TPM4: variants seen among roughly 807,000 people sequenced by gnomAD.
TPM4 encodes the protein tropomyosin alpha-4 chain.
TPM4 carries 17 observed loss-of-function variants against 35.8 expected under a neutral mutation model. That is an observed-to-expected ratio of 0.47 (90% CI 0.32 to 0.71). The LOEUF is 0.71. Ranked by LOEUF, TPM4 falls within the 30% of genes least tolerant of loss-of-function variation. The probability of loss-of-function intolerance (pLI) is 0.03; values close to 1 mark genes in which losing one functional copy is unlikely to be tolerated. For missense variants in TPM4, 240 were observed against 320.9 expected, an observed-to-expected ratio of 0.75 and a Z score of 1.93; for synonymous variants, 120 against 122.9, an observed-to-expected ratio of 0.98 and a Z score of 0.15.
chr19:16,068,773 CTG>C (rs201129044), intron 2 of TPM4, among the ~76,000 whole-genome samples: 4 of 151,692 alleles, frequency 2.6e-5, no homozygotes, highest in Admixed American at 6.6e-5. Context: ...GTGAGTGTAT[CTG>C]TGTGTGTTTG....
At chr19:16,094,471 G>A (rs950118596) in intron 7 of TPM4, among the ~76,000 whole-genome samples, 3 of 151,836 alleles carry the variant, frequency 2.0e-5, no homozygotes, top group Non-Finnish European at 2.9e-5. Context: ...GGGAGGCGGA[G>A]GTTGCAGTAA....
In TPM4 at chr19:16,067,606, C is replaced by A. The variant is rs1285474252; in HGVS notation, c.-19C>A. The stretch of plus-strand genomic sequence containing the variant: ...AGAGCCCGCCGCGCACCCCACGTCC[C>A]CCACGCCAGCGCCCAGCCATGGAGG... On this transcript the variant is annotated 5_prime_UTR_variant, in exon 2 of 3. Coordinates refer to the TPM4 transcript ENST00000589897. This position sits in a 1 kb window ranked among gnomAD's most constrained non-coding sequence, Gnocchi z 4.1. 3 of 1,609,820 alleles carry A rather than the reference C, an allele frequency of 1.9e-6. No homozygotes were observed. In the Admixed American group the frequency reaches 5.0e-5, roughly 27 times the overall value.
In TPM4 at chr19:16,082,379, C is replaced by T. The variant is rs141501386; in HGVS notation, c.266+333C>T. 6.3e-3 allele frequency among the ~76,000 whole-genome samples: 957 copies of T among 152,232 alleles called. 12 individuals are homozygous for T. Among genetic ancestry groups the T allele is most frequent in the African/African-American group, 0.021 (892 of 41,536 alleles). ...CAAAAAAATTAGCCTGCCATGGTGG[C>T]GGGCACCTGTAATCCCAGCTACTCA... On this transcript the variant is annotated intron_variant, in intron 2 of 7. Coordinates refer to ENST00000643579, the MANE Select transcript of TPM4 (RefSeq NM_003290.3).
upstream of TPM4, chr19:16,076,180 T>G (rs2090402523): frequency 1.9e-6 from 3 of 1,554,568 alleles, no homozygotes; most frequent in African/African-American, 2.7e-5. Context: ...GACGTACGTG[T>G]GCAGGGATGC....
chr19:16,102,839 AC>A lies in TPM4; in HGVS notation c.*1497del, dbSNP rs768451946. 3 of 153,112 alleles carry A rather than the reference AC, an allele frequency of 2.0e-5. No homozygotes were observed. Among genetic ancestry groups the A allele is most frequent in the African/African-American group, 3.4e-5 (1 of 29,108 alleles). 9.5% of individuals were successfully genotyped at this position (153,112 alleles called of 1,614,324 possible). A position where few individuals can be genotyped will look rare whatever the true frequency, so the allele number is the denominator to read the frequency against. On this transcript the variant is annotated 3_prime_UTR_variant, in exon 8 of 8. Transcript: ENST00000643579. ...CTTATCTGAATCCCTTACCCACCCCACCCCACCACCCTACTCCTATTTATTC... is the reference window on the plus strand; with the variant it reads ...CTTATCTGAATCCCTTACCCACCCCACCCACCACCCTACTCCTATTTATTC...
chr19:16,071,623 C>T (rs1459541697), upstream of TPM4, among the ~76,000 whole-genome samples: 1 of 152,212 alleles, frequency 6.6e-6, no homozygotes, highest in Non-Finnish European at 1.5e-5. Context: ...AATTCCGAAG[C>T]AGAAGCCAGC....
At chr19:16,080,754 A>G (rs977233985) in intron 1 of TPM4, 1 of 311,474 alleles carries the variant, frequency 3.2e-6, no homozygotes, top group African/African-American at 2.1e-5. Flanking sequence ...AGTTGCAGCA[A>G]GCCGAGATCA....
intron 5 of TPM4, among the ~76,000 whole-genome samples, chr19:16,091,450 T>C (rs1030983186): frequency 6.6e-6 from 1 of 152,188 alleles, no homozygotes; most frequent in African/African-American, 2.4e-5. Context: ...CTTGGTAGGT[T>C]GTGAACGGTG....
intron 7 of TPM4, chr19:16,095,116 A>G: frequency 5.8e-6 from 2 of 346,026 alleles, no homozygotes; most frequent in Non-Finnish European, 8.4e-6. Flanking sequence ...TCTGTTTCAC[A>G]TGGAACACAG....
chr19:16,088,507 C>T (rs1436723046), intron 4 of TPM4: 17 of 1,050,962 alleles, frequency 1.6e-5, no homozygotes, highest in South Asian at 1.0e-4. Flanking sequence ...ACATTCCTGG[C>T]GGGAAGGTGA....
chr19:16,069,509 T>G (rs2090332531), intron 2 of TPM4, among the ~76,000 whole-genome samples: 2 of 16,170 alleles, frequency 1.2e-4, no homozygotes, highest in Admixed American at 4.3e-4. Flanking sequence ...GTGTGTATGA[T>G]TGTGTGTTTC....
chr19:16,069,509 TTG>T (rs2090332565), intron 2 of TPM4, among the ~76,000 whole-genome samples: 3 of 16,178 alleles, frequency 1.9e-4, no homozygotes, highest in South Asian at 1.8e-3. Flanking sequence ...GTGTGTATGA[TTG>T]TGTGTTTCTA....
chr19:16,075,087 C>CA (rs369129539), upstream of TPM4: 3,422 of 148,016 alleles, frequency 0.023, 132 homozygotes, highest in African/African-American at 0.078. Context: ...GCGAGACTCT[C>CA]AAAAAAAAAA....
intron 2 of TPM4, among the ~76,000 whole-genome samples, chr19:16,085,023 G>A (rs1341179247): frequency 6.6e-6 from 1 of 151,982 alleles, no homozygotes; most frequent in Non-Finnish European, 1.5e-5. Context: ...TTGGGAGGCG[G>A]GCGGATCGCT....
At chr19:16,091,768 T>G (rs1488721167) in intron 5 of TPM4, among the ~76,000 whole-genome samples, 1 of 151,926 alleles carries the variant, frequency 6.6e-6, no homozygotes, top group Non-Finnish European at 1.5e-5. Flanking sequence ...AGTCATGACT[T>G]GATCACTTAA....
chr19:16,076,910 G>A (rs2090415260), intron 1 of TPM4: 8 of 1,093,528 alleles, frequency 7.3e-6, no homozygotes, highest in Non-Finnish European at 9.2e-6. Flanking sequence ...ACAGGGGAGG[G>A]GGCGCCGCCT....
At position 16,088,211 on chromosome 19, in the gene TPM4, C is replaced by T. The variant is rs879438508; in HGVS notation, c.455+114C>T. On this transcript the variant is annotated intron_variant, in intron 4 of 7. Coordinates refer to ENST00000643579, the MANE Select transcript of TPM4 (RefSeq NM_003290.3). Reference sequence around the variant, plus strand: ...CGGGGTCTCTGCTCAAGTGGACGGGCGTCAGGGGCTCATGGCTCATCTTTT... The same window carrying T: ...CGGGGTCTCTGCTCAAGTGGACGGGTGTCAGGGGCTCATGGCTCATCTTTT... 6.5e-5 allele frequency: 94 copies of T among 1,456,642 alleles called. 1 individual carries two copies. Among genetic ancestry groups the T allele is most frequent in the Middle Eastern group, 1.7e-4 (1 of 5,816 alleles). The allele number at this position is 1,456,642 out of a possible 1,614,324, so 90.2% of individuals were successfully genotyped here. A position where few individuals can be genotyped will look rare whatever the true frequency, so the allele number is the denominator to read the frequency against.
At chr19:16,082,077 T>C in intron 2 of TPM4, 31 bp downstream of exon 2, 1 of 1,581,110 alleles carries the variant, frequency 6.3e-7, no homozygotes, top group Non-Finnish European at 8.7e-7. Flanking sequence ...GTGGCATCCG[T>C]GTTTGCTTTT....
intron 2 of TPM4, 30 bp from the exon 3 acceptor site, chr19:16,086,393 C>A: frequency 6.3e-7 from 1 of 1,591,050 alleles, no homozygotes; most frequent in Non-Finnish European, 8.6e-7. Flanking sequence ...TGTGAGTGAA[C>A]GGCCGTCCTG....
Sources: allele counts gnomAD v4.1 joint callset (sites outside exome capture counted in the v4.1 genomes callset), GRCh38; gene constraint gnomAD v4.1.1; non-coding constraint Gnocchi (gnomAD v3.1); transcripts MANE v1.5; gene names NCBI Gene and HGNC (gene_info 2026-07-23, HGNC 2026-07-21).